The following AKAP19 variants were observed in gnomAD, a reference collection of about 807,000 sequenced individuals.
The protein encoded by AKAP19 is small A-kinase anchoring protein.
At chr2:190,123,019 C>A in the AKAP19 span, among the ~76,000 whole-genome samples, 1 of 151,794 alleles carries the variant, frequency 6.6e-6, no homozygotes, top group Admixed American at 6.6e-5. Context: ...GCTATGTTGC[C>A]CAAGCTGGTC....
chr2:189,948,134 C>T, the AKAP19 span, among the ~76,000 whole-genome samples: 1 of 152,120 alleles, frequency 6.6e-6, no homozygotes, highest in Admixed American at 6.5e-5. Flanking sequence ...GACTTAATTT[C>T]TATATGTTGG....
the AKAP19 span, among the ~76,000 whole-genome samples, chr2:190,172,491 A>G: frequency 6.6e-6 from 1 of 152,206 alleles, no homozygotes; most frequent in African/African-American, 2.4e-5. Flanking sequence ...CAAATATTCT[A>G]CCATCAGAAG....
At chr2:190,198,352 G>A in the AKAP19 span, among the ~76,000 whole-genome samples, 1 of 152,084 alleles carries the variant, frequency 6.6e-6, no homozygotes, top group Admixed American at 6.6e-5. Flanking sequence ...TAAGATCAGT[G>A]GTTTCAGGCC....
At chr2:190,178,547 C>T in the AKAP19 span, among the ~76,000 whole-genome samples, 476 of 152,342 alleles carry the variant, frequency 3.1e-3, 1 homozygote, top group African/African-American at 0.011. This position sits in a 1 kb window ranked among gnomAD's most constrained non-coding sequence, Gnocchi z 6.3. Context: ...GGGCTAGGTC[C>T]TCCCTTAGTC....
At chr2:190,137,073 A>G in the AKAP19 span, among the ~76,000 whole-genome samples, 1 of 152,226 alleles carries the variant, frequency 6.6e-6, no homozygotes, top group Admixed American at 6.5e-5. Flanking sequence ...ACCTTTTATC[A>G]CATTACTAGA....
At chr2:190,038,290 C>T in the AKAP19 span, among the ~76,000 whole-genome samples, 1 of 152,096 alleles carries the variant, frequency 6.6e-6, no homozygotes, top group African/African-American at 2.4e-5. Flanking sequence ...ACTTAGCAGC[C>T]AGTCCAGCAG....
At chr2:190,021,496 T>C in the AKAP19 span, among the ~76,000 whole-genome samples, 7 of 152,236 alleles carry the variant, frequency 4.6e-5, no homozygotes, top group African/African-American at 1.7e-4. Context: ...GGAGGGTCAC[T>C]GTTCTGGTCA....
the AKAP19 span, among the ~76,000 whole-genome samples, chr2:190,103,421 A>G: frequency 6.6e-6 from 1 of 152,222 alleles, no homozygotes; most frequent in Non-Finnish European, 1.5e-5. Flanking sequence ...TGACCATATG[A>G]TTCTATACTT....
At chr2:189,891,385 G>A in the AKAP19 span, among the ~76,000 whole-genome samples, 1 of 151,426 alleles carries the variant, frequency 6.6e-6, no homozygotes, top group Non-Finnish European at 1.5e-5. Flanking sequence ...CACCATGCCT[G>A]GCTAATTTTT....
the AKAP19 span, among the ~76,000 whole-genome samples, chr2:190,173,556 A>G: frequency 6.6e-6 from 1 of 152,196 alleles, no homozygotes; most frequent in Non-Finnish European, 1.5e-5. Flanking sequence ...AAATGATAGA[A>G]TCTTGGCTTT....
chr2:189,969,012 C>T, the AKAP19 span, among the ~76,000 whole-genome samples: 1 of 152,048 alleles, frequency 6.6e-6, no homozygotes, highest in East Asian at 1.9e-4. Flanking sequence ...TATGAATATA[C>T]TTAAGGCTTT....
At chr2:189,957,020 A>G in the AKAP19 span, among the ~76,000 whole-genome samples, 1 of 152,200 alleles carries the variant, frequency 6.6e-6, no homozygotes, top group Non-Finnish European at 1.5e-5. Flanking sequence ...TACTAAAAAT[A>G]CAAAAATTAA....
the AKAP19 span, among the ~76,000 whole-genome samples, chr2:189,895,867 C>T: frequency 1.3e-5 from 2 of 151,826 alleles, no homozygotes; most frequent in Admixed American, 6.6e-5. Flanking sequence ...TGCTATTACC[C>T]AGTCACGGTG....
the AKAP19 span, among the ~76,000 whole-genome samples, chr2:190,055,162 G>GT: frequency 6.6e-6 from 1 of 152,078 alleles, no homozygotes; most frequent in Non-Finnish European, 1.5e-5. Flanking sequence ...AAAATGATGA[G>GT]TTCATGTCCT....
the AKAP19 span, among the ~76,000 whole-genome samples, chr2:190,078,077 C>A: frequency 1.2e-4 from 18 of 152,238 alleles, no homozygotes; most frequent in African/African-American, 4.1e-4. Context: ...ACCTCTAGAG[C>A]CTTTCTTTGC....
the AKAP19 span, among the ~76,000 whole-genome samples, chr2:189,990,896 T>G: frequency 2.0e-5 from 3 of 152,264 alleles, no homozygotes; most frequent in Non-Finnish European, 2.9e-5. Flanking sequence ...AAGCCCATTA[T>G]ATCACTCTTA....
At chr2:190,074,449 A>G in the AKAP19 span, among the ~76,000 whole-genome samples, 5 of 152,002 alleles carry the variant, frequency 3.3e-5, no homozygotes, top group Admixed American at 2.0e-4. Flanking sequence ...TCAAGAGATC[A>G]AGACCATCCT....
the AKAP19 span, among the ~76,000 whole-genome samples, chr2:190,128,881 G>A: frequency 6.6e-6 from 1 of 152,332 alleles, no homozygotes; most frequent in East Asian, 1.9e-4. Context: ...GGGGATGCCA[G>A]TCAATTGATT....
chr2:189,985,375 TG>T, the AKAP19 span, among the ~76,000 whole-genome samples: 1 of 152,346 alleles, frequency 6.6e-6, no homozygotes, highest in South Asian at 2.1e-4. Context: ...TTTCAACTTA[TG>T]ATGGGTTTAT....
Sources: allele counts gnomAD v4.1 joint callset (sites outside exome capture counted in the v4.1 genomes callset), GRCh38; gene constraint gnomAD v4.1.1; non-coding constraint Gnocchi (gnomAD v3.1); transcripts MANE v1.5; gene names NCBI Gene and HGNC (gene_info 2026-07-23, HGNC 2026-07-21).